NRXN1: variants seen among roughly 807,000 people sequenced by gnomAD.
NRXN1 encodes neurexin 1, also known as neurexin-1.
Under a neutral mutation model 150.9 loss-of-function variants are expected in NRXN1, and 39 were observed. The observed-to-expected ratio is 0.26, with a 90% CI of 0.20 to 0.34. The LOEUF (loss-of-function observed/expected upper bound fraction) is 0.34, where lower values mean the gene tolerates loss of function less well. NRXN1 is among the 10% of genes least tolerant of loss of function. The pLI is 1.00. For synonymous variants in NRXN1, 924 were observed against 757.0 expected (o/e 1.22, Z -3.62); for missense variants, 1,815 against 1,949.9 (o/e 0.93, Z 1.30).
At chr2:50,011,232 G>T (rs1243666500) in intron 21 of NRXN1, among the ~76,000 whole-genome samples, 1 of 152,130 alleles carries the variant, frequency 6.6e-6, no homozygotes, top group Non-Finnish European at 1.5e-5. Context: ...AGCATAGAAA[G>T]TCCTCATTAA....
intron 17 of NRXN1, among the ~76,000 whole-genome samples, chr2:50,334,155 G>A (rs1423916459): frequency 1.5e-5 from 2 of 134,510 alleles, no homozygotes; most frequent in African/African-American, 3.2e-5. Flanking sequence ...TAAGAATTAG[G>A]TCTCTTTGCT....
At chr2:50,694,683 T>C (rs556914695) in intron 5 of NRXN1, among the ~76,000 whole-genome samples, 35 of 152,258 alleles carry the variant, frequency 2.3e-4, no homozygotes, top group African/African-American at 8.2e-4. Flanking sequence ...AACAAATCAA[T>C]TGATTTGATT....
At chr2:50,088,351 A>G (rs1699083035) in intron 19 of NRXN1, among the ~76,000 whole-genome samples, 2 of 152,136 alleles carry the variant, frequency 1.3e-5, no homozygotes, top group Admixed American at 6.5e-5. Flanking sequence ...ATGATTAATA[A>G]AACATCTGAT....
In NRXN1 at chr2:50,538,400, C is replaced by T. The variant is rs201731350; in HGVS notation, c.1996G>A (p.Ala666Thr). ...IRQMAEVQSTAGVKPSCSKET... is the reference protein window; with the variant it reads ...IRQMAEVQSTTGVKPSCSKET... ...TTTGAGCAGGAAGGCTTCACTCCAGCAGTACTTTGAACTTCAGCCATTTGC... is the reference window on the plus strand; with the variant it reads ...TTTGAGCAGGAAGGCTTCACTCCAGTAGTACTTTGAACTTCAGCCATTTGC... The change falls in exon 10 of 23, where the codon GCT (alanine) becomes ACT (threonine). Residue 666 changes from alanine (A) to threonine (T), a missense_variant. By Grantham distance (58) the Ala-to-Thr change is moderately conservative. Transcript: ENST00000401669. 97 of 1,613,864 alleles carry T rather than the reference C, an allele frequency of 6.0e-5. No homozygotes were observed. The highest frequency in any genetic ancestry group is 7.9e-5 in the Non-Finnish European group (93 of 1,179,890).
chr2:50,498,339 T>C (rs13429090), intron 13 of NRXN1, among the ~76,000 whole-genome samples: 6,395 of 152,296 alleles, frequency 0.042, 443 homozygotes, highest in African/African-American at 0.14. Context: ...CATGCTAGTC[T>C]TCTAAATACA....
chr2:50,677,835 T>C (rs1689772993), intron 5 of NRXN1, among the ~76,000 whole-genome samples: 1 of 152,064 alleles, frequency 6.6e-6, no homozygotes, highest in Non-Finnish European at 1.5e-5. Context: ...TACTTCTTCG[T>C]GCATGTGGAG....
intron 10 of NRXN1, among the ~76,000 whole-genome samples, chr2:50,534,547 T>C (rs563936709): frequency 6.6e-6 from 1 of 152,200 alleles, no homozygotes; most frequent in African/African-American, 2.4e-5. Context: ...TAGTGAATTC[T>C]AGAGAGAAAA....
At chr2:50,719,443 G>A (rs545707167) in intron 5 of NRXN1, among the ~76,000 whole-genome samples, 16 of 152,136 alleles carry the variant, frequency 1.1e-4, no homozygotes, top group East Asian at 1.9e-4. Context: ...TTGGGAGGCC[G>A]AGGCAAGTGG....
rs570414721 is a variant in NRXN1 at position 50,270,123 on chromosome 2, C to A, written c.3365-33153G>T. On this transcript the variant is annotated intron_variant, in intron 17 of 22. Coordinates refer to ENST00000401669, the MANE Select transcript of NRXN1 (RefSeq NM_001330078.2). ...TATTTCAAGGTACAAATGAGAATGA[C>A]TCAAAACCATGTGGGAGAATCCCAG... Among the ~76,000 whole-genome samples, 329 of 152,114 alleles carry A rather than the reference C, an allele frequency of 2.2e-3. 1 individual carries two copies. The highest frequency in any genetic ancestry group is 7.5e-3 in the African/African-American group (310 of 41,470).
chr2:50,627,968 A>T (rs35601736), intron 5 of NRXN1, among the ~76,000 whole-genome samples: 1 of 151,902 alleles, frequency 6.6e-6, no homozygotes, highest in Non-Finnish European at 1.5e-5. Context: ...CTTAGTAAGA[A>T]AATAATAACT....
chr2:50,443,854 T>C, intron 17 of NRXN1, among the ~76,000 whole-genome samples: 1 of 152,210 alleles, frequency 6.6e-6, no homozygotes, highest in African/African-American at 2.4e-5. Context: ...TGTCCTCTGT[T>C]GTCTGTGGGG....
intron 19 of NRXN1, among the ~76,000 whole-genome samples, chr2:50,063,547 G>GAAAC (rs1694891318): frequency 1.5e-5 from 2 of 137,598 alleles, no homozygotes; most frequent in East Asian, 4.3e-4. Flanking sequence ...CACCTCAACA[G>GAAAC]ACACACACAC....
chr2:50,767,129 T>C (rs1574406440), intron 5 of NRXN1, among the ~76,000 whole-genome samples: 1 of 152,162 alleles, frequency 6.6e-6, no homozygotes, highest in South Asian at 2.1e-4. Flanking sequence ...TCTTGCTTAG[T>C]CAAATTTGAG....
chr2:50,309,765 C>T (rs1001264166), intron 17 of NRXN1, among the ~76,000 whole-genome samples: 2 of 152,124 alleles, frequency 1.3e-5, no homozygotes, highest in African/African-American at 4.8e-5. Flanking sequence ...TTATTAATTG[C>T]ACTTACTCAA....
At chr2:50,679,987 C>T (rs893245656) in intron 5 of NRXN1, among the ~76,000 whole-genome samples, 1 of 151,432 alleles carries the variant, frequency 6.6e-6, no homozygotes, top group African/African-American at 2.4e-5. Context: ...CAAAAATTAG[C>T]TGGGCATAGT....
intron 19 of NRXN1, among the ~76,000 whole-genome samples, chr2:50,074,396 T>G (rs576829761): frequency 5.2e-4 from 79 of 152,248 alleles, no homozygotes; most frequent in Admixed American, 1.2e-3. Context: ...TATTTGATTT[T>G]TATGGAGGCT....
At chr2:50,849,783 A>G (rs1674236249) in intron 5 of NRXN1, among the ~76,000 whole-genome samples, 2 of 152,128 alleles carry the variant, frequency 1.3e-5, no homozygotes, top group Non-Finnish European at 2.9e-5. Flanking sequence ...ATTTTAATTG[A>G]ATAATGTGGT....
intron 21 of NRXN1, among the ~76,000 whole-genome samples, chr2:50,042,969 G>A (rs1268557364): frequency 3.3e-5 from 5 of 152,026 alleles, no homozygotes; most frequent in African/African-American, 9.7e-5. Flanking sequence ...TAGATCACAG[G>A]TACAGTCGCA....
chr2:51,017,503 CTTTTTTTTTTTTTTTT>C (rs70958638), intron 2 of NRXN1, among the ~76,000 whole-genome samples: 7 of 44,302 alleles, frequency 1.6e-4, no homozygotes, highest in South Asian at 9.9e-4. Flanking sequence ...CCACATCTGG[CTTTTTTTTTTTTTTTT>C]TTTTTTTTTT....
Sources: gnomAD v4.1 joint callset for allele counts (sites outside exome capture counted in the v4.1 genomes callset) on GRCh38, gnomAD v4.1.1 for gene constraint, MANE v1.5 for transcripts, NCBI Gene and HGNC (gene_info 2026-07-23, HGNC 2026-07-21) for gene names.